The following DCUN1D5 variants were observed in gnomAD, a reference collection of about 807,000 sequenced individuals.
DCUN1D5 encodes defective in cullin neddylation 1 domain containing 5.
Under a neutral mutation model 38.3 loss-of-function variants are expected in DCUN1D5, and 10 were observed. That is an observed-to-expected ratio of 0.26 (90% confidence interval 0.16 to 0.44). DCUN1D5 has a LOEUF of 0.44. Among genes scored for constraint, DCUN1D5 ranks in the 20% least tolerant of loss-of-function variants. The pLI is 1.00. For missense variants in DCUN1D5, 148 were observed against 275.3 expected (o/e 0.54, Z 3.27); for synonymous variants, 93 against 90.9 (o/e 1.02, Z -0.13).
rs1565280348 is a variant in DCUN1D5 at position 103,056,603 on chromosome 11, A to G, written c.*5756T>C. Among the ~76,000 whole-genome samples, 1 of 152,202 alleles carries G rather than the reference A, an allele frequency of 6.6e-6. No individual in the cohort carries two copies. Among genetic ancestry groups the G allele is most frequent in the Admixed American group, 6.5e-5 (1 of 15,278 alleles). On this transcript the variant is annotated 3_prime_UTR_variant, in exon 8 of 8. Transcript: ENST00000260247. This position sits in a 1 kb window ranked among gnomAD's most constrained non-coding sequence, Gnocchi z 4.9. Reference sequence around the variant, plus strand: ...TAAACTATTTTACTAACCAATTAAAATAAAAATCCCATAAAGGTTCGAAAT... The same window carrying G: ...TAAACTATTTTACTAACCAATTAAAGTAAAAATCCCATAAAGGTTCGAAAT...
intron 4 of DCUN1D5, among the ~76,000 whole-genome samples, chr11:103,075,547 A>G (rs1862387671): frequency 6.6e-6 from 1 of 152,030 alleles, no homozygotes; most frequent in Non-Finnish European, 1.5e-5. Flanking sequence ...ATGCCCAGCT[A>G]ATTTTTGTAT....
rs1861706708 is a variant in DCUN1D5, at chr11:103,050,781, G to C, written c.*11578C>G. 6.6e-6 allele frequency: 1 copy of C among 152,132 alleles called. No homozygotes were observed. The highest frequency in any genetic ancestry group is 1.5e-5 in the Non-Finnish European group (1 of 68,022). 9.4% of individuals were successfully genotyped at this position (152,132 alleles called of 1,614,324 possible). A position where few individuals can be genotyped will look rare whatever the true frequency, so the allele number is the denominator to read the frequency against. ...ACTGTGGATAGTTCTGAGTACTGGTGAAATAAAAGCAAAAACACACAGTCC... is the reference window on the plus strand; with the variant it reads ...ACTGTGGATAGTTCTGAGTACTGGTCAAATAAAAGCAAAAACACACAGTCC... On this transcript the variant is annotated 3_prime_UTR_variant, in exon 8 of 8. Transcript: ENST00000260247.
rs552080675 is a variant in DCUN1D5 at position 103,080,494 on chromosome 11, ACCCAG to A, written c.341+2249_341+2253del. On this transcript the variant is annotated intron_variant, in intron 4 of 7. Coordinates refer to ENST00000260247, the MANE Select transcript of DCUN1D5 (RefSeq NM_032299.4). Reference sequence around the variant, plus strand: ...AAAACACTTTGTATTTCACATGGTAACCCAGATCATGAGGGAAAAAAATCAACGAT... The same window carrying A: ...AAAACACTTTGTATTTCACATGGTAAATCATGAGGGAAAAAAATCAACGAT... Among the ~76,000 whole-genome samples, 25 of 152,022 alleles carry A rather than the reference ACCCAG, an allele frequency of 1.6e-4. 1 individual carries two copies. The South Asian group carries it at 4.8e-3, about 29-fold the overall frequency.
chr11:103,072,349 T>TCTAGATCTAGATCTAGAA (rs1565287995), intron 4 of DCUN1D5, among the ~76,000 whole-genome samples: 2 of 150,794 alleles, frequency 1.3e-5, no homozygotes, highest in Admixed American at 1.3e-4. Context: ...TAGATCTAGA[T>TCTAGATCTAGATCTAGAA]CTAGATCTAG....
rs1862149349 is a variant in DCUN1D5, at chr11:103,066,972, GT to G, written c.342-406del. On this transcript the variant is annotated intron_variant, in intron 4 of 7. Transcript: ENST00000260247. This position sits in a 1 kb window ranked among gnomAD's most constrained non-coding sequence, Gnocchi z 4.7. The stretch of plus-strand genomic sequence containing the variant: ...ACACATTTCTTTAGAAAGTTCGTAG[GT>G]AACAGTTTGGTGAAAGACATTAGTC... Among the ~76,000 whole-genome samples, 3 of 152,160 alleles carry G rather than the reference GT, an allele frequency of 2.0e-5. No individual in the cohort carries two copies.
chr11:103,068,795 A>G (rs1161770474), intron 4 of DCUN1D5, among the ~76,000 whole-genome samples: 1 of 151,522 alleles, frequency 6.6e-6, no homozygotes, highest in Non-Finnish European at 1.5e-5. Context: ...ACACTACTTT[A>G]CCTATGTAAC....
At position 103,071,237 on chromosome 11, in the gene DCUN1D5, T is replaced by C. The variant is rs1031245031; in HGVS notation, c.342-4670A>G. On this transcript the variant is annotated intron_variant, in intron 4 of 7. Transcript: ENST00000260247. The surrounding 1 kb of genome is among the most constrained non-coding windows in gnomAD (Gnocchi z 4.1). The stretch of plus-strand genomic sequence containing the variant: ...CTGAAATTGAAAACAGAAAAATCAA[T>C]GCAACAAAGCACATTGAAAAGATCA... Among the ~76,000 whole-genome samples, 3 of 151,778 alleles carry C rather than the reference T, an allele frequency of 2.0e-5. No individual in the cohort carries two copies. The highest frequency in any genetic ancestry group is 4.4e-5 in the Non-Finnish European group (3 of 67,906).
rs1861855282 is a variant in DCUN1D5 at position 103,055,624 on chromosome 11, A to C, written c.*6735T>G. 1 of 152,180 alleles carries C rather than the reference A, an allele frequency of 6.6e-6. No individual in the cohort carries two copies. The highest frequency in any genetic ancestry group is 2.1e-4 in the South Asian group (1 of 4,832). 9.4% of individuals were successfully genotyped at this position (152,180 alleles called of 1,614,324 possible). On this transcript the variant is annotated 3_prime_UTR_variant, in exon 8 of 8. Coordinates refer to ENST00000260247, the MANE Select transcript of DCUN1D5 (RefSeq NM_032299.4). ...TAATGGTTTGTATATGTGTGGTAGAAAATGTTAACATTTTATTTCTATTTG... is the reference window on the plus strand; with the variant it reads ...TAATGGTTTGTATATGTGTGGTAGACAATGTTAACATTTTATTTCTATTTG...
chr11:103,071,628 A>G lies in DCUN1D5; in HGVS notation c.342-5061T>C, dbSNP rs1862275257. ...ATTTTACACAGATTTTTACATAGAT[A>G]TAAAAATTCTACATATGTAACAATT... On this transcript the variant is annotated intron_variant, in intron 4 of 7. Coordinates refer to ENST00000260247, the MANE Select transcript of DCUN1D5 (RefSeq NM_032299.4). This position sits in a 1 kb window ranked among gnomAD's most constrained non-coding sequence, Gnocchi z 4.1. Among the ~76,000 whole-genome samples the G allele has an allele frequency of 6.6e-6, 1 of 150,800 alleles. No homozygotes were observed. Among genetic ancestry groups the G allele is most frequent in the Non-Finnish European group, 1.5e-5 (1 of 67,652 alleles).
rs191344537 is a variant in DCUN1D5 at position 103,072,358 on chromosome 11, A to G, written c.342-5791T>C. Among the ~76,000 whole-genome samples the G allele has an allele frequency of 1.4e-4, 21 of 151,810 alleles. No homozygotes were observed. The East Asian group carries it at 2.1e-3, about 15-fold the overall frequency. ...TAGAACTAGATCTAGATCTAGATCT[A>G]GATCTAGAACTAGAACTAGAAATAC... On this transcript the variant is annotated intron_variant, in intron 4 of 7. Coordinates refer to ENST00000260247, the MANE Select transcript of DCUN1D5 (RefSeq NM_032299.4).
rs1474587567 is a variant in DCUN1D5, at chr11:103,073,767, A to G, written c.342-7200T>C. 2.6e-5 allele frequency among the ~76,000 whole-genome samples: 4 copies of G among 152,210 alleles called. No homozygotes were observed. The highest frequency in any genetic ancestry group is 4.4e-5 in the Non-Finnish European group (3 of 68,026). On this transcript the variant is annotated intron_variant, in intron 4 of 7. Transcript: ENST00000260247. The surrounding 1 kb of genome is among the most constrained non-coding windows in gnomAD (Gnocchi z 4.2). ...GCAAATAATTCTTAGACTTGACATC[A>G]AAAGTACAATCAAAAGTACATCAAA...
At chr11:103,090,168 TAATAC>T (rs1862821938) in intron 1 of DCUN1D5, among the ~76,000 whole-genome samples, 1 of 152,202 alleles carries the variant, frequency 6.6e-6, no homozygotes, top group African/African-American at 2.4e-5. Flanking sequence ...TGAGTTCTAA[TAATAC>T]TGCCTGCTCA....
intron 4 of DCUN1D5, among the ~76,000 whole-genome samples, chr11:103,075,804 T>C (rs75294742): frequency 0.024 from 3,688 of 152,340 alleles, 174 homozygotes; most frequent in African/African-American, 0.084. Context: ...GAATTCCTTA[T>C]ATATGAATGA....
rs776709670 is a variant in DCUN1D5 at position 103,059,356 on chromosome 11, G to A, written c.*3003C>T. ...CAGAATTTACTCCCACCCCGACCCCGAGTGATGGCATTCAATATTAAGATA... is the reference window on the plus strand; with the variant it reads ...CAGAATTTACTCCCACCCCGACCCCAAGTGATGGCATTCAATATTAAGATA... On this transcript the variant is annotated 3_prime_UTR_variant, in exon 8 of 8. Transcript: ENST00000260247. 7.3e-5 allele frequency among the ~76,000 whole-genome samples: 11 copies of A among 151,672 alleles called. No individual in the cohort carries two copies. The highest frequency in any genetic ancestry group is 1.5e-4 in the African/African-American group (6 of 41,290).
Position 103,054,260 on chromosome 11 carries a change from T to C in DCUN1D5, c.*8099A>G, listed in dbSNP as rs1489312129. On this transcript the variant is annotated 3_prime_UTR_variant, in exon 8 of 8. Coordinates refer to ENST00000260247, the MANE Select transcript of DCUN1D5 (RefSeq NM_032299.4). The stretch of plus-strand genomic sequence containing the variant: ...TGGGGTTAAAGTCTGCTTGAAGAAG[T>C]AGTGGGAGCAAAGATAGAAGGTTAG... 1.3e-5 allele frequency: 2 copies of C among 152,118 alleles called. No homozygotes were observed. Among genetic ancestry groups the C allele is most frequent in the African/African-American group, 4.8e-5 (2 of 41,428 alleles). 9.4% of individuals were successfully genotyped at this position (152,118 alleles called of 1,614,324 possible). A position where few individuals can be genotyped will look rare whatever the true frequency, so the allele number is the denominator to read the frequency against.
rs534014221 is a variant in DCUN1D5 at position 103,053,460 on chromosome 11, A to G, written c.*8899T>C. The stretch of plus-strand genomic sequence containing the variant: ...TCAGTAGGATGACTGATCTATTAAC[A>G]CTAAACTATTGTACATTTCAAAATA... On this transcript the variant is annotated 3_prime_UTR_variant, in exon 8 of 8. Coordinates refer to ENST00000260247, the MANE Select transcript of DCUN1D5 (RefSeq NM_032299.4). This position sits in a 1 kb window ranked among gnomAD's most constrained non-coding sequence, Gnocchi z 4.8. The G allele has an allele frequency of 6.1e-4, 93 of 152,282 alleles. No homozygotes were observed. Among genetic ancestry groups the G allele is most frequent in the African/African-American group, 2.2e-3 (91 of 41,584 alleles). The allele number at this position is 152,282 out of a possible 1,614,324, so 9.4% of individuals were successfully genotyped here.
In DCUN1D5 at chr11:103,083,831, AAAAGAC is replaced by A. The variant is rs1862629945; in HGVS notation, c.179-511_179-506del. ...CACTCAAATATAATTTAATTATTGA[AAAAGAC>A]AAAGGTATTTTGAAAATAATGACTT... is the stretch of plus-strand genomic sequence containing the variant. On this transcript the variant is annotated intron_variant, in intron 2 of 7. Transcript: ENST00000260247. This position sits in a 1 kb window ranked among gnomAD's most constrained non-coding sequence, Gnocchi z 4.4. Among the ~76,000 whole-genome samples, 1 of 152,172 alleles carries A rather than the reference AAAAGAC, an allele frequency of 6.6e-6. No homozygotes were observed. The highest frequency in any genetic ancestry group is 1.5e-5 in the Non-Finnish European group (1 of 67,982).
chr11:103,078,080 T>C lies in DCUN1D5; in HGVS notation c.341+4668A>G, dbSNP rs1862455315. Among the ~76,000 whole-genome samples the C allele has an allele frequency of 6.6e-6, 1 of 152,172 alleles. No homozygotes were observed. Among genetic ancestry groups the C allele is most frequent in the Non-Finnish European group, 1.5e-5 (1 of 68,038 alleles). On this transcript the variant is annotated intron_variant, in intron 4 of 7. Transcript: ENST00000260247. The surrounding 1 kb of genome is among the most constrained non-coding windows in gnomAD (Gnocchi z 4.6). ...GACGGTCAAGCCATGCCATTCCTTT[T>C]ACACTTCAAAGTCCGGGGCTCAATA... is the stretch of plus-strand genomic sequence containing the variant.
chr11:103,068,672 G>A, intron 4 of DCUN1D5, among the ~76,000 whole-genome samples: 1 of 152,156 alleles, frequency 6.6e-6, no homozygotes, highest in Non-Finnish European at 1.5e-5. Flanking sequence ...AACAGACACT[G>A]GGGTCTACTT....
Sources: allele counts gnomAD v4.1 joint callset (sites outside exome capture counted in the v4.1 genomes callset), GRCh38; gene constraint gnomAD v4.1.1; non-coding constraint Gnocchi (gnomAD v3.1); transcripts MANE v1.5; gene names NCBI Gene and HGNC (gene_info 2026-07-23, HGNC 2026-07-21).